The following HIVEP3 variants were observed in gnomAD, a reference collection of about 807,000 sequenced individuals.
The protein encoded by HIVEP3 is HIVEP zinc finger 3.
HIVEP3 carries 49 observed loss-of-function variants against 152.8 expected under a neutral mutation model. The observed-to-expected ratio is 0.32, with a 90% confidence interval of 0.26 to 0.41. The LOEUF is 0.41. Ranked by LOEUF, HIVEP3 falls within the 10% of genes least tolerant of loss-of-function variation. HIVEP3 has a pLI of 1.00. For missense variants in HIVEP3, 2,790 were observed against 3,103.3 expected, an observed-to-expected ratio of 0.90 and a Z score of 2.40; for synonymous variants, 1,269 against 1,289.0, an observed-to-expected ratio of 0.98 and a Z score of 0.33.
chr1:41,548,680 T>C (rs1371695203), intron 5 of HIVEP3, among the ~76,000 whole-genome samples: 1 of 151,946 alleles, frequency 6.6e-6, no homozygotes. Flanking sequence ...GTATTACAGG[T>C]GTGTGCCACC....
chr1:41,599,884 G>C (rs575148105), intron 3 of HIVEP3, among the ~76,000 whole-genome samples: 3 of 151,988 alleles, frequency 2.0e-5, no homozygotes, highest in Non-Finnish European at 2.9e-5. Flanking sequence ...CAAGCAAAAC[G>C]ATTTTTAAAA....
At chr1:41,841,840 A>G (rs1643298580) in intron 1 of HIVEP3, among the ~76,000 whole-genome samples, 1 of 152,180 alleles carries the variant, frequency 6.6e-6, no homozygotes. Flanking sequence ...CTATAATCCC[A>G]GCACTTTGGG....
intron 1 of HIVEP3, among the ~76,000 whole-genome samples, chr1:41,994,537 A>G (rs1645383903): frequency 6.6e-6 from 1 of 152,080 alleles, no homozygotes; most frequent in Non-Finnish European, 1.5e-5. Context: ...ATGGTTTAAA[A>G]TTGTGTGGCA....
intron 3 of HIVEP3, 97 bp from the exon 4 acceptor site, chr1:41,585,415 G>A (rs1418925417): frequency 5.0e-6 from 2 of 398,368 alleles, no homozygotes; most frequent in Admixed American, 4.4e-5. Flanking sequence ...CCCAGACTCG[G>A]TGCCACACCT....
chr1:41,889,018 AC>A (rs988420347), intron 1 of HIVEP3, among the ~76,000 whole-genome samples: 1 of 146,490 alleles, frequency 6.8e-6, no homozygotes, highest in Admixed American at 6.8e-5. Context: ...TACACACACC[AC>A]ATACCTCACA....
chr1:41,724,064 T>A (rs1646716263), intron 1 of HIVEP3, among the ~76,000 whole-genome samples: 1 of 152,104 alleles, frequency 6.6e-6, no homozygotes. Context: ...GATAATAATA[T>A]CATGAGGGGG....
intron 1 of HIVEP3, among the ~76,000 whole-genome samples, chr1:41,731,442 G>C (rs2124187154): frequency 6.6e-6 from 1 of 152,348 alleles, no homozygotes; most frequent in South Asian, 2.1e-4. Flanking sequence ...GGGTAGTCAG[G>C]CTTCAAGATG....
intron 1 of HIVEP3, among the ~76,000 whole-genome samples, chr1:41,788,117 C>A (rs2492604): frequency 0.21 from 32,536 of 152,086 alleles, 8,545 homozygotes; most frequent in African/African-American, 0.62. Context: ...TGCCCTGGGC[C>A]TGAGGACTGG....
chr1:41,581,610 G>C lies in HIVEP3; in HGVS notation c.3188C>G (p.Pro1063Arg). Residue 1063 changes from proline (P) to arginine (R), a missense_variant, in exon 4 of 9, where the codon CCC (proline) becomes CGC (arginine). Pro to Arg is a moderately radical substitution (Grantham distance 103, BLOSUM62 -2). Around this residue, in one of 9 missense-constraint regions of HIVEP3, gnomAD observed 1,078 missense variants for 1,165.3 expected, o/e 0.93. Transcript: ENST00000372583. The surrounding 1 kb of genome is among the most constrained non-coding windows in gnomAD (Gnocchi z 4.5). ...TTCTTCGCTCTCCTGTCTTCCCTTG[G>C]GGGCAACCTCCAACTCAGATTCTGG... is the stretch of plus-strand genomic sequence containing the variant. ...RPPESELEVA[P>R]KGRQESEEPQ... is the part of the protein sequence containing the mutation. The C allele has an allele frequency of 6.2e-7, 1 of 1,614,140 alleles. No homozygotes were observed. The highest frequency in any genetic ancestry group is 8.5e-7 in the Non-Finnish European group (1 of 1,180,006).
intron 1 of HIVEP3, among the ~76,000 whole-genome samples, chr1:41,983,760 G>C (rs1040448374): frequency 6.6e-6 from 1 of 151,974 alleles, no homozygotes; most frequent in Non-Finnish European, 1.5e-5. Flanking sequence ...CTGGAGTTTT[G>C]TTTGGTTTGT....
At chr1:41,893,618 C>T (rs1369094697) in intron 1 of HIVEP3, among the ~76,000 whole-genome samples, 2 of 151,950 alleles carry the variant, frequency 1.3e-5, no homozygotes, top group Non-Finnish European at 2.9e-5. Context: ...GTGCTGGGCT[C>T]AAATTCTAAC....
In HIVEP3 at chr1:41,584,988, C is replaced by A; in HGVS notation, c.-191G>T. ...TGTGAGTGGACTCGGAGCAGGTCAT[C>A]AGGGCCCACGCTATTCTATTGGTGA... On this transcript the variant is annotated 5_prime_UTR_variant, in exon 4 of 9. Coordinates refer to ENST00000372583, the MANE Select transcript of HIVEP3 (RefSeq NM_024503.5). This position sits in a 1 kb window ranked among gnomAD's most constrained non-coding sequence, Gnocchi z 5.2. 2.2e-6 allele frequency: 1 copy of A among 447,824 alleles called. No individual in the cohort carries two copies. Among genetic ancestry groups the A allele is most frequent in the Non-Finnish European group, 3.8e-6 (1 of 259,814 alleles). 27.7% of individuals were successfully genotyped at this position (447,824 alleles called of 1,614,324 possible).
At chr1:41,554,398 T>C (rs1316109224) in intron 5 of HIVEP3, among the ~76,000 whole-genome samples, 4 of 152,368 alleles carry the variant, frequency 2.6e-5, no homozygotes, top group South Asian at 4.1e-4. Flanking sequence ...TAATCTTTTT[T>C]CAAGGTTTTT....
At chr1:41,567,854 C>T (rs1220538116) in intron 5 of HIVEP3, among the ~76,000 whole-genome samples, 1 of 152,262 alleles carries the variant, frequency 6.6e-6, no homozygotes, top group African/African-American at 2.4e-5. Context: ...TCACCTTCCC[C>T]AGACCAAGCC....
At chr1:41,551,860 T>C (rs751983815) in intron 5 of HIVEP3, among the ~76,000 whole-genome samples, 22 of 152,054 alleles carry the variant, frequency 1.4e-4, no homozygotes, top group Non-Finnish European at 2.9e-4. Flanking sequence ...TTCTGAAGAG[T>C]TTTTGTGTGT....
rs115849086 is a variant in HIVEP3, at chr1:41,691,333, G to C, written c.-721+9583C>G. ...AAAGCATTATCAGTATAAAGAAGAA[G>C]AGAAAAAAATCCTCCCCTTAAATCC... is the stretch of plus-strand genomic sequence containing the variant. On this transcript the variant is annotated intron_variant, in intron 2 of 8. Coordinates refer to ENST00000372583, the MANE Select transcript of HIVEP3 (RefSeq NM_024503.5). Among the ~76,000 whole-genome samples the C allele has an allele frequency of 6.1e-3, 923 of 152,276 alleles. 13 individuals carry two copies. Among genetic ancestry groups the C allele is most frequent in the African/African-American group, 0.021 (890 of 41,552 alleles).
intron 1 of HIVEP3, among the ~76,000 whole-genome samples, chr1:41,959,858 G>A (rs1451775091): frequency 6.6e-6 from 1 of 152,192 alleles, no homozygotes; most frequent in Non-Finnish European, 1.5e-5. Context: ...CCTCCAGGTT[G>A]CTTTAGGCTC....
intron 1 of HIVEP3, among the ~76,000 whole-genome samples, chr1:41,853,527 C>T (rs577334616): frequency 8.5e-5 from 13 of 152,256 alleles, no homozygotes; most frequent in East Asian, 1.9e-4. Flanking sequence ...ACTGCCCCCA[C>T]GATTCAATCA....
chr1:41,737,378 G>T (rs1456429911), intron 1 of HIVEP3, among the ~76,000 whole-genome samples: 1 of 152,038 alleles, frequency 6.6e-6, no homozygotes, highest in Non-Finnish European at 1.5e-5. Context: ...ATTTTTTTGT[G>T]TCTGGCTGTG....
Sources: allele counts gnomAD v4.1 joint callset (sites outside exome capture counted in the v4.1 genomes callset), GRCh38; gene constraint gnomAD v4.1.1; regional missense constraint gnomAD v4.1.1; non-coding constraint Gnocchi (gnomAD v3.1); transcripts MANE v1.5; gene names NCBI Gene and HGNC (gene_info 2026-07-23, HGNC 2026-07-21).